Variants in XRCC5 observed in about 807,000 individuals in gnomAD.
XRCC5 encodes the protein DNA repair protein Ku80.
A neutral mutation model predicts 95.7 loss-of-function variants in XRCC5; 12 were observed. The ratio of observed to expected loss-of-function variants is 0.13; its 90% confidence interval spans 0.08 to 0.20. XRCC5 has a LOEUF of 0.20. Among genes scored for constraint, XRCC5 ranks in the 10% least tolerant of loss-of-function variants. The pLI, the probability that XRCC5 is intolerant of heterozygous loss-of-function variation, is 1.00. For synonymous variants in XRCC5, 281 were observed against 290.3 expected (o/e 0.97, Z 0.33); for missense variants, 595 against 873.9 (o/e 0.68, Z 4.02).
At chr2:216,110,406 G>A (rs1696565330) in intron 1 of XRCC5, 1 of 152,176 alleles carries the variant, frequency 6.6e-6, no homozygotes, top group Non-Finnish European at 1.5e-5. Flanking sequence ...GAGAAATGTT[G>A]ATTAAAACGA....
chr2:216,136,757 A>G (rs41296376), intron 10 of XRCC5, among the ~76,000 whole-genome samples: 9 of 152,246 alleles, frequency 5.9e-5, no homozygotes, highest in Admixed American at 4.6e-4. Flanking sequence ...AGGTAAAGAC[A>G]GGAAAGATAC....
At chr2:216,172,529 T>C (rs2106034326) in intron 16 of XRCC5, among the ~76,000 whole-genome samples, 1 of 140,038 alleles carries the variant, frequency 7.1e-6, no homozygotes, top group Non-Finnish European at 1.5e-5. Flanking sequence ...AGCACAGTGG[T>C]GCGATCCTAG....
chr2:216,163,186 G>A (rs189222427), intron 16 of XRCC5, among the ~76,000 whole-genome samples: 158 of 152,124 alleles, frequency 1.0e-3, no homozygotes, highest in African/African-American at 3.6e-3. Context: ...CCAGGCTGGA[G>A]TGCAGTGGCA....
At chr2:216,138,059 T>C (rs751277144) in intron 11 of XRCC5, 30 bp from the exon 12 acceptor site, 1 of 1,545,324 alleles carries the variant, frequency 6.5e-7, no homozygotes, top group Admixed American at 1.9e-5. Context: ...TTTCATCGTT[T>C]CTGCTTTTAC....
chr2:216,129,927 C>T (rs41299804), intron 8 of XRCC5, among the ~76,000 whole-genome samples: 2,431 of 152,242 alleles, frequency 0.016, 41 homozygotes, highest in African/African-American at 0.045. Flanking sequence ...CCACCTGCCT[C>T]GGCCTCCCCA....
At chr2:216,137,408 G>A (rs541300709) in intron 11 of XRCC5, among the ~76,000 whole-genome samples, 183 bp downstream of exon 11, 82 of 152,138 alleles carry the variant, frequency 5.4e-4, no homozygotes, top group Non-Finnish European at 8.1e-4. Flanking sequence ...ATACTGGTCT[G>A]TGAACCACAC....
chr2:216,113,020 C>A lies in XRCC5; in HGVS notation c.26C>A (p.Ala9Asp). MVRSGNKA[A>D]VVLCMDVGFT... is the part of the protein sequence containing the mutation. ...TCTTTGGAACTTTGTTTCCAGGCAG[C>A]TGTTGTGCTGTGTATGGACGTGGGC... Residue 9 changes from alanine (A) to aspartate (D), a missense_variant, in exon 2 of 21, where the codon GCT becomes GAT. This residue lies in a region of XRCC5 where 286 missense variants were observed against 491.1 expected (regional missense o/e 0.58). Coordinates refer to ENST00000392132, the MANE Select transcript of XRCC5 (RefSeq NM_021141.4). 1 of 1,611,466 alleles carries A rather than the reference C, an allele frequency of 6.2e-7. No individual in the cohort carries two copies. Among genetic ancestry groups the A allele is most frequent in the Non-Finnish European group, 8.5e-7 (1 of 1,179,004 alleles).
At chr2:216,129,847 T>C (rs994089080) in intron 8 of XRCC5, among the ~76,000 whole-genome samples, 1 of 152,086 alleles carries the variant, frequency 6.6e-6, no homozygotes, top group Admixed American at 6.6e-5. Flanking sequence ...CTAATTTTTT[T>C]TTGTATTTTT....
intron 9 of XRCC5, 38 bp downstream of exon 9, chr2:216,131,025 C>A (rs562359218): frequency 1.3e-6 from 2 of 1,539,654 alleles, no homozygotes; most frequent in Admixed American, 3.6e-5. Context: ...TTTTTCCTAG[C>A]TGTTATTTGA....
At chr2:216,184,476 T>G (rs2106042476) in intron 16 of XRCC5, among the ~76,000 whole-genome samples, 1 of 152,274 alleles carries the variant, frequency 6.6e-6, no homozygotes, top group South Asian at 2.1e-4. Flanking sequence ...AATGATGCCT[T>G]GCTAATTTCT....
In XRCC5 at chr2:216,200,250, T is replaced by C. The variant is rs940658681; in HGVS notation, c.2110-4072T>C. Among the ~76,000 whole-genome samples the C allele has an allele frequency of 4.6e-5, 7 of 152,230 alleles. No individual in the cohort carries two copies. In the Middle Eastern group the frequency reaches 0.014, roughly 296 times the overall value. ...ATGCTCATGCTCCCTTTTTCAAGAG[T>C]ACATCTGGTTCTGTGTGTGAGAGTG... On this transcript the variant is annotated intron_variant, in intron 19 of 20. Transcript: ENST00000392132.
intron 10 of XRCC5, among the ~76,000 whole-genome samples, chr2:216,132,693 A>G (rs756454178): frequency 5.9e-5 from 9 of 152,228 alleles, no homozygotes; most frequent in Non-Finnish European, 1.2e-4. Context: ...TTGTGTTGTC[A>G]TAAGCATCCT....
chr2:216,127,679 G>A lies in XRCC5; in HGVS notation c.937+5G>A. 1 of 1,589,784 alleles carries A rather than the reference G, an allele frequency of 6.3e-7. No homozygotes were observed. Among genetic ancestry groups the A allele is most frequent in the Non-Finnish European group, 8.5e-7 (1 of 1,172,120 alleles). On this transcript the variant is annotated splice_donor_5th_base_variant and intron_variant, in intron 8 of 20. Transcript: ENST00000392132. ...TAAAAGAGGATATTATTCAAGGTAT[G>A]TCAGTAAGAGTTTTCACTGTTGCCT...
intron 6 of XRCC5, among the ~76,000 whole-genome samples, chr2:216,124,344 T>TCG (rs889182140): frequency 6.6e-6 from 1 of 152,146 alleles, no homozygotes; most frequent in African/African-American, 2.4e-5. Context: ...CCTCCCAGGT[T>TCG]CTAGCAATTC....
chr2:216,131,099 T>C, intron 9 of XRCC5, 112 bp downstream of exon 9: 1 of 1,421,814 alleles, frequency 7.0e-7, no homozygotes, highest in Non-Finnish European at 9.3e-7. Flanking sequence ...TTAATTTTTC[T>C]AAAATGTAGT....
intron 16 of XRCC5, among the ~76,000 whole-genome samples, chr2:216,173,861 C>T (rs1195438614): frequency 6.6e-6 from 1 of 152,206 alleles, no homozygotes; most frequent in Non-Finnish European, 1.5e-5. Context: ...TGCTCTTAGA[C>T]TTCCCAGCCT....
Position 216,160,065 on chromosome 2 carries a change from T to A in XRCC5, c.1671-3T>A, listed in dbSNP as rs1688922498. Reference sequence around the variant, plus strand: ...TAAGAGAAATTTTTTTTTTCTTTTCTAGCCATGAAGATGGACCTACAGCTA... The same window carrying A: ...TAAGAGAAATTTTTTTTTTCTTTTCAAGCCATGAAGATGGACCTACAGCTA... On this transcript the variant is annotated splice_region_variant and splice_polypyrimidine_tract_variant and intron_variant, in intron 14 of 20. Coordinates refer to ENST00000392132, the MANE Select transcript of XRCC5 (RefSeq NM_021141.4). 1.3e-6 allele frequency: 2 copies of A among 1,566,148 alleles called. No individual in the cohort carries two copies. The highest frequency in any genetic ancestry group is 2.8e-5 in the African/African-American group (2 of 72,366).
intron 16 of XRCC5, among the ~76,000 whole-genome samples, chr2:216,176,830 G>A (rs1045987384): frequency 6.6e-6 from 1 of 152,032 alleles, no homozygotes; most frequent in Non-Finnish European, 1.5e-5. Context: ...TCTAATATAG[G>A]CATTTAAAGC....
chr2:216,173,995 C>T (rs1300300868), intron 16 of XRCC5, among the ~76,000 whole-genome samples: 1 of 152,144 alleles, frequency 6.6e-6, no homozygotes, highest in Non-Finnish European at 1.5e-5. Context: ...TTGTAGTTTT[C>T]TTGTTTTGTG....
Sources: gnomAD v4.1 joint callset for allele counts (sites outside exome capture counted in the v4.1 genomes callset) on GRCh38, gnomAD v4.1.1 for gene constraint, gnomAD v4.1.1 regional missense constraint, MANE v1.5 for transcripts, NCBI Gene and HGNC (gene_info 2026-07-23, HGNC 2026-07-21) for gene names.